SERGEF: variants seen among roughly 807,000 people sequenced by gnomAD.
SERGEF encodes secretion regulating guanine nucleotide exchange factor, also known as secretion-regulating guanine nucleotide exchange factor.
In SERGEF, 51 loss-of-function variants were observed where a neutral mutation model predicts 50.0. The ratio of observed to expected loss-of-function variants is 1.02; its 90% CI spans 0.81 to 1.29. The LOEUF is 1.29. Ranked by LOEUF, SERGEF falls within the 50% of genes most tolerant of loss-of-function variation. SERGEF has a pLI of 0.00. For synonymous variants in SERGEF, 205 were observed against 212.4 expected (o/e 0.97, Z 0.30); for missense variants, 521 against 557.0 (o/e 0.94, Z 0.65).
chr11:17,966,876 A>G (rs1343963398), intron 8 of SERGEF, among the ~76,000 whole-genome samples: 4 of 152,220 alleles, frequency 2.6e-5, no homozygotes, highest in African/African-American at 4.8e-5. Context: ...CTGACTCTGT[A>G]TAAAACTGCT....
intron 5 of SERGEF, among the ~76,000 whole-genome samples, chr11:17,996,416 G>A (rs905177056): frequency 5.9e-5 from 9 of 152,182 alleles, no homozygotes; most frequent in South Asian, 2.1e-4. Flanking sequence ...CCCTTTCCAC[G>A]ACACCAAGAT....
At chr11:17,893,107 A>G (rs1341439126) in intron 9 of SERGEF, among the ~76,000 whole-genome samples, 2 of 152,252 alleles carry the variant, frequency 1.3e-5, no homozygotes, top group African/African-American at 4.8e-5. Flanking sequence ...ACCAAGGCCC[A>G]GTGACTGATA....
intron 10 of SERGEF, among the ~76,000 whole-genome samples, chr11:17,828,349 C>T (rs1386571890): frequency 1.3e-5 from 2 of 152,190 alleles, no homozygotes; most frequent in South Asian, 2.1e-4. Flanking sequence ...CCACAGATGG[C>T]CTGCACCGGC....
chr11:17,881,260 G>C (rs901474992), intron 9 of SERGEF, among the ~76,000 whole-genome samples: 1 of 152,212 alleles, frequency 6.6e-6, no homozygotes. Flanking sequence ...TCACCCTGGG[G>C]CTGTGACTGT....
intron 8 of SERGEF, among the ~76,000 whole-genome samples, chr11:17,963,339 C>G (rs1853052875): frequency 7.4e-6 from 1 of 135,878 alleles, no homozygotes; most frequent in Non-Finnish European, 1.5e-5. Context: ...ACCAGGGATC[C>G]CTAAACTTGG....
rs78786966 is a variant in SERGEF, at chr11:18,000,045, T to A, written c.508+452A>T. Among the ~76,000 whole-genome samples the A allele has an allele frequency of 1.9e-3, 296 of 152,370 alleles. 3 individuals are homozygous for A. The highest frequency in any genetic ancestry group is 3.5e-3 in the Non-Finnish European group (236 of 68,040). The stretch of plus-strand genomic sequence containing the variant: ...TCTTTCCTACATGACTTCTGCCTTA[T>A]GTTCTCTCCTTTTCATCAGAACCAC... On this transcript the variant is annotated intron_variant, in intron 5 of 10. Transcript: ENST00000265965.
intron 9 of SERGEF, among the ~76,000 whole-genome samples, chr11:17,953,146 G>A (rs978609113): frequency 7.7e-6 from 1 of 129,734 alleles, no homozygotes; most frequent in African/African-American, 2.9e-5. Context: ...ACCAAGACAC[G>A]GGAAGGGACA....
At chr11:17,829,438 C>T (rs1850255416) in intron 10 of SERGEF, among the ~76,000 whole-genome samples, 1 of 152,182 alleles carries the variant, frequency 6.6e-6, no homozygotes, top group Non-Finnish European at 1.5e-5. Flanking sequence ...ACAGTCAAGA[C>T]ATGTTGTAAG....
intron 10 of SERGEF, among the ~76,000 whole-genome samples, chr11:17,799,279 C>T (rs151062047): frequency 3.3e-5 from 5 of 152,226 alleles, no homozygotes; most frequent in African/African-American, 9.6e-5. Context: ...AGGCCACATT[C>T]GCTGCTTTGG....
At position 17,888,769 on chromosome 11, in the gene SERGEF, T is replaced by A. The variant is rs1425486883; in HGVS notation, c.1012-10525A>T. Among the ~76,000 whole-genome samples, 6 of 152,028 alleles carry A rather than the reference T, an allele frequency of 3.9e-5. No individual in the cohort carries two copies. The East Asian group carries it at 1.2e-3, about 29-fold the overall frequency. ...TGGTGCACAGACCCTGGCTTTTAAA[T>A]ACCATTCAACTAAGAGGGATCAGAG... On this transcript the variant is annotated intron_variant, in intron 9 of 10. Transcript: ENST00000265965. This position sits in a 1 kb window ranked among gnomAD's most constrained non-coding sequence, Gnocchi z 4.1.
At chr11:17,790,300 T>C (rs980683720) in intron 10 of SERGEF, among the ~76,000 whole-genome samples, 37 of 152,236 alleles carry the variant, frequency 2.4e-4, no homozygotes, top group African/African-American at 8.7e-4. Context: ...TCTGTTTAGT[T>C]TGTTTTAAAG....
At chr11:17,912,491 T>A (rs1851973894) in intron 9 of SERGEF, among the ~76,000 whole-genome samples, 1 of 152,156 alleles carries the variant, frequency 6.6e-6, no homozygotes, top group Non-Finnish European at 1.5e-5. Flanking sequence ...GTATATAGGA[T>A]CATCTGTATC....
intron 10 of SERGEF, among the ~76,000 whole-genome samples, chr11:17,851,860 AC>A (rs1850721456): frequency 6.6e-6 from 1 of 152,072 alleles, no homozygotes. Flanking sequence ...GGACAACCCC[AC>A]CCCCACTGCT....
chr11:17,973,018 A>G (rs772318298), intron 8 of SERGEF, among the ~76,000 whole-genome samples: 1 of 151,994 alleles, frequency 6.6e-6, no homozygotes, highest in Non-Finnish European at 1.5e-5. Context: ...AAAAGGAAAG[A>G]AAAAAGGCCA....
At chr11:17,880,724 G>A (rs1485003113) in intron 9 of SERGEF, among the ~76,000 whole-genome samples, 1 of 151,930 alleles carries the variant, frequency 6.6e-6, no homozygotes, top group Non-Finnish European at 1.5e-5. Context: ...ACCCACCTGG[G>A]TATAAAATAT....
At chr11:17,843,768 C>A (rs771587642) in intron 10 of SERGEF, among the ~76,000 whole-genome samples, 14 of 152,098 alleles carry the variant, frequency 9.2e-5, no homozygotes, top group Non-Finnish European at 1.9e-4. Context: ...TAAGATACAG[C>A]CCCTCCTCCT....
Position 18,006,605 on chromosome 11 carries a change from G to A in SERGEF, c.338C>T (p.Thr113Met), listed in dbSNP as rs190767260. ...AGTGAACTCACCTGTGAGCATAATCGTAAAATCCCAGCCACAGGCCACCTG... is the reference window on the plus strand; with the variant it reads ...AGTGAACTCACCTGTGAGCATAATCATAAAATCCCAGCCACAGGCCACCTG... ...IQQVACGWDF[T>M]IMLTENGQVL... is the part of the protein sequence containing the mutation. Residue 113 changes from threonine (T) to methionine (M), a missense_variant, in exon 3 of 11, where the codon ACG becomes ATG. Thr to Met is a moderately conservative substitution (Grantham distance 81, BLOSUM62 -1). Transcript: ENST00000265965. 1.1e-5 allele frequency: 18 copies of A among 1,613,802 alleles called. No homozygotes were observed. Among genetic ancestry groups the A allele is most frequent in the South Asian group, 3.3e-5 (3 of 91,022 alleles).
intron 9 of SERGEF, among the ~76,000 whole-genome samples, chr11:17,919,839 G>T (rs1052793410): frequency 6.6e-6 from 1 of 152,008 alleles, no homozygotes; most frequent in Non-Finnish European, 1.5e-5. Flanking sequence ...ACTGCAACGC[G>T]GGAGGCTGAG....
intron 10 of SERGEF, among the ~76,000 whole-genome samples, chr11:17,862,305 C>T (rs1373128109): frequency 6.6e-6 from 1 of 152,208 alleles, no homozygotes; most frequent in African/African-American, 2.4e-5. Context: ...AACAAAACAG[C>T]CTCAAAGTGA....
Sources: allele counts gnomAD v4.1 joint callset (sites outside exome capture counted in the v4.1 genomes callset), GRCh38; gene constraint gnomAD v4.1.1; non-coding constraint Gnocchi (gnomAD v3.1); transcripts MANE v1.5; gene names NCBI Gene and HGNC (gene_info 2026-07-23, HGNC 2026-07-21).